The following LHPP variants were observed in gnomAD, a reference collection of about 807,000 sequenced individuals.
The protein encoded by LHPP is hLHPP.
In LHPP, 24 loss-of-function variants were observed where a neutral mutation model predicts 30.3. The ratio of observed to expected loss-of-function variants is 0.79; its 90% CI spans 0.57 to 1.11. The LOEUF (loss-of-function observed/expected upper bound fraction) is 1.11. Ranked by LOEUF, LHPP falls within the 50% of genes most tolerant of loss-of-function variation. The pLI is 0.00. For synonymous variants in LHPP, 150 were observed against 157.1 expected, an observed-to-expected ratio of 0.95 and a Z score of 0.34; for missense variants, 356 against 367.2, an observed-to-expected ratio of 0.97 and a Z score of 0.25.
At chr10:124,578,278 G>A (rs1241269029) in intron 6 of LHPP, among the ~76,000 whole-genome samples, 2 of 152,212 alleles carry the variant, frequency 1.3e-5, no homozygotes, top group African/African-American at 2.4e-5. Context: ...TGCTGGCTCT[G>A]TGCTCAGCAC....
At chr10:124,557,458 T>C (rs188501852) in intron 6 of LHPP, among the ~76,000 whole-genome samples, 1 of 152,362 alleles carries the variant, frequency 6.6e-6, no homozygotes, top group East Asian at 1.9e-4. Context: ...TCGGGCGCAC[T>C]AGCCCCCTTT....
intron 6 of LHPP, among the ~76,000 whole-genome samples, chr10:124,584,767 G>T (rs1948781522): frequency 6.6e-6 from 1 of 152,096 alleles, no homozygotes; most frequent in Non-Finnish European, 1.5e-5. Context: ...ATGCTTTTCT[G>T]TTTATTTAGA....
At chr10:124,512,251 C>T (rs1375227676) in intron 5 of LHPP, among the ~76,000 whole-genome samples, 1 of 152,132 alleles carries the variant, frequency 6.6e-6, no homozygotes, top group African/African-American at 2.4e-5. Flanking sequence ...TGTTGCAGGT[C>T]GGGGGCCTCT....
intron 1 of LHPP, among the ~76,000 whole-genome samples, chr10:124,474,312 G>A (rs947437675): frequency 6.6e-6 from 1 of 151,654 alleles, no homozygotes; most frequent in Non-Finnish European, 1.5e-5. Context: ...GCCAATTTTT[G>A]TATTTTTAGT....
rs1022993101 is a variant in LHPP at position 124,497,912 on chromosome 10, A to C, written c.532-124A>C. 4 of 763,542 alleles carry C rather than the reference A, an allele frequency of 5.2e-6. No homozygotes were observed. In the Admixed American group the frequency reaches 8.6e-5, roughly 16 times the overall value. 47.3% of individuals were successfully genotyped at this position (763,542 alleles called of 1,614,324 possible). A position where few individuals can be genotyped will look rare whatever the true frequency, so the allele number is the denominator to read the frequency against. On this transcript the variant is annotated intron_variant, in intron 4 of 6. Coordinates refer to ENST00000368842, the MANE Select transcript of LHPP (RefSeq NM_022126.4). ...GCCTGTGAGATGAGTTCTCAGGCCC[A>C]CAGCATCCTGCTTCTTCAAGGCCCT...
intron 6 of LHPP, among the ~76,000 whole-genome samples, chr10:124,518,257 T>A (rs1298122140): frequency 6.6e-6 from 1 of 152,212 alleles, no homozygotes; most frequent in Non-Finnish European, 1.5e-5. Flanking sequence ...ATGGGCCTTC[T>A]TTCTTTCTTG....
intron 6 of LHPP, among the ~76,000 whole-genome samples, chr10:124,566,672 G>T (rs998262566): frequency 3.9e-5 from 6 of 152,224 alleles, no homozygotes; most frequent in African/African-American, 1.4e-4. Flanking sequence ...GGTCTTTTGT[G>T]CAGGACTGAT....
At chr10:124,597,599 C>A (rs1189402309) in intron 6 of LHPP, among the ~76,000 whole-genome samples, 1 of 152,212 alleles carries the variant, frequency 6.6e-6, no homozygotes, top group Non-Finnish European at 1.5e-5. Flanking sequence ...GGTGCCGCCT[C>A]CCTGCCCCCC....
At chr10:124,521,275 A>G (rs1954606479) in intron 6 of LHPP, among the ~76,000 whole-genome samples, 1 of 152,222 alleles carries the variant, frequency 6.6e-6, no homozygotes, top group African/African-American at 2.4e-5. Context: ...CTGGGCCGGC[A>G]TCCCTTCCTT....
chr10:124,552,741 A>G (rs755973597), intron 6 of LHPP, among the ~76,000 whole-genome samples: 3 of 152,140 alleles, frequency 2.0e-5, no homozygotes, highest in Non-Finnish European at 2.9e-5. Context: ...CCCGCCTGCA[A>G]AGGACCAGCC....
rs1008784481 is a variant in LHPP, at chr10:124,593,238, C to G, written c.717-20026C>G. Among the ~76,000 whole-genome samples the G allele has an allele frequency of 6.6e-6, 1 of 152,198 alleles. No homozygotes were observed. The highest frequency in any genetic ancestry group is 1.5e-5 in the Non-Finnish European group (1 of 68,028). ...GTCCTGGGAAGCCAGCTGAGAGCAC[C>G]TCTTTCTCTTTGGGTCCTGCAGCCC... On this transcript the variant is annotated intron_variant, in intron 6 of 6. Coordinates refer to ENST00000368842, the MANE Select transcript of LHPP (RefSeq NM_022126.4). This position sits in a 1 kb window ranked among gnomAD's most constrained non-coding sequence, Gnocchi z 4.9.
chr10:124,578,489 T>A (rs772601125), intron 6 of LHPP, among the ~76,000 whole-genome samples: 2 of 152,250 alleles, frequency 1.3e-5, no homozygotes, highest in Non-Finnish European at 2.9e-5. Flanking sequence ...GAGCGTCTGC[T>A]GTGAAGGACT....
chr10:124,498,660 C>CTTTTTTTTTTT (rs552228070), intron 5 of LHPP: 571 of 354,042 alleles, frequency 1.6e-3, no homozygotes, highest in East Asian at 3.1e-3. Context: ...TTTTCTTTTT[C>CTTTTTTTTTTT]TTTTTTTTTT....
chr10:124,538,463 G>A (rs1342686609), intron 6 of LHPP, among the ~76,000 whole-genome samples: 1 of 152,228 alleles, frequency 6.6e-6, no homozygotes, highest in Non-Finnish European at 1.5e-5. Flanking sequence ...AGGAGCAGCA[G>A]GCTGTTTGTT....
At chr10:124,583,990 A>G (rs919156418) in intron 6 of LHPP, among the ~76,000 whole-genome samples, 6 of 152,138 alleles carry the variant, frequency 3.9e-5, no homozygotes, top group African/African-American at 1.4e-4. Flanking sequence ...CATTTTGGCT[A>G]TTCTGGGTCC....
intron 6 of LHPP, among the ~76,000 whole-genome samples, chr10:124,572,170 G>A (rs543453061): frequency 1.4e-4 from 21 of 152,314 alleles, no homozygotes; most frequent in African/African-American, 4.8e-4. Context: ...ACAGAAGAGA[G>A]CAATGACCTG....
At chr10:124,522,214 G>A (rs963085394) in intron 6 of LHPP, among the ~76,000 whole-genome samples, 5 of 152,168 alleles carry the variant, frequency 3.3e-5, no homozygotes, top group Admixed American at 3.3e-4. Flanking sequence ...TGCTCCCTGT[G>A]GAAATCCTGC....
At chr10:124,507,383 GATA>G (rs1954155738) in intron 5 of LHPP, among the ~76,000 whole-genome samples, 2 of 35,040 alleles carry the variant, frequency 5.7e-5, no homozygotes, top group Non-Finnish European at 1.0e-4. Context: ...CAGGTGGGGG[GATA>G]GGGAGTATTT....
chr10:124,508,805 A>T (rs943362530), intron 5 of LHPP, among the ~76,000 whole-genome samples: 1 of 152,184 alleles, frequency 6.6e-6, no homozygotes, highest in African/African-American at 2.4e-5. Context: ...TTAACACAAA[A>T]TTGGGATAAT....
Sources: gnomAD v4.1 joint callset for allele counts (sites outside exome capture counted in the v4.1 genomes callset) on GRCh38, gnomAD v4.1.1 for gene constraint, Gnocchi (gnomAD v3.1) non-coding constraint, MANE v1.5 for transcripts, NCBI Gene and HGNC (gene_info 2026-07-23, HGNC 2026-07-21) for gene names.